The following CEP192 variants were observed in gnomAD, a reference collection of about 807,000 sequenced individuals.
The protein encoded by CEP192 is centrosomal protein 192, also known as centrosomal protein of 192 kDa.
Under a neutral mutation model 271.8 loss-of-function variants are expected in CEP192, and 151 were observed. The observed-to-expected ratio is 0.56, with a 90% CI of 0.49 to 0.64. The LOEUF (loss-of-function observed/expected upper bound fraction) is 0.64. Ranked by LOEUF, CEP192 falls within the 30% of genes least tolerant of loss-of-function variation. CEP192 has a pLI of 0.00. For synonymous variants in CEP192, 995 were observed against 1,076.5 expected (o/e 0.92, Z 1.48); for missense variants, 2,910 against 3,020.5 (o/e 0.96, Z 0.86).
At chr18:13,080,606 T>A (rs886961579) in intron 30 of CEP192, among the ~76,000 whole-genome samples, 5 of 151,458 alleles carry the variant, frequency 3.3e-5, no homozygotes, top group African/African-American at 1.2e-4. Flanking sequence ...GACTTCCTCT[T>A]TTCCTAATTG....
At position 13,012,953 on chromosome 18, in the gene CEP192, G is replaced by GT. The variant is rs1186528135; in HGVS notation, c.467-15dup. The GT allele has an allele frequency of 7.0e-7, 1 of 1,425,182 alleles. No individual in the cohort carries two copies. The highest frequency in any genetic ancestry group is 9.6e-7 in the Non-Finnish European group (1 of 1,042,440). 88.3% of individuals were successfully genotyped at this position (1,425,182 alleles called of 1,614,324 possible). On this transcript the variant is annotated intron_variant, in intron 4 of 44. Transcript: ENST00000506447. ...ATAAAATAACCTGGTCTCTCAGTTT[G>GT]TTTTTGTTTTCTTACACAGACTCAC...
At chr18:13,001,434 T>C in intron 2 of CEP192, 23 bp from the exon 3 acceptor site, 3 of 1,500,744 alleles carry the variant, frequency 2.0e-6, no homozygotes, top group Non-Finnish European at 2.7e-6. Flanking sequence ...TCTTAACAAT[T>C]AAAACAAATT....
chr18:13,113,732 A>G (rs1312779195), intron 41 of CEP192, 27 bp downstream of exon 41: 1 of 1,570,112 alleles, frequency 6.4e-7, no homozygotes, highest in Non-Finnish European at 8.6e-7. Flanking sequence ...ATTTAAGTAA[A>G]TTATTGTATG....
intron 36 of CEP192, among the ~76,000 whole-genome samples, chr18:13,098,439 C>T (rs1435003650): frequency 6.8e-6 from 1 of 146,396 alleles, no homozygotes; most frequent in Non-Finnish European, 1.5e-5. Flanking sequence ...GGCTGCCGGG[C>T]GGAGGGTCTC....
chr18:13,099,073 G>T (rs1018251263), intron 36 of CEP192, among the ~76,000 whole-genome samples: 25 of 151,950 alleles, frequency 1.6e-4, no homozygotes, highest in South Asian at 6.3e-4. Flanking sequence ...GCAGGCACTC[G>T]GCAGGCTGAG....
intron 1 of CEP192, among the ~76,000 whole-genome samples, chr18:12,991,903 G>T (rs1301574570): frequency 1.9e-5 from 2 of 107,880 alleles, no homozygotes; most frequent in African/African-American, 9.4e-5. Context: ...GACCCAGGAA[G>T]TAACCTTGTT....
intron 1 of CEP192, among the ~76,000 whole-genome samples, chr18:12,995,360 G>A (rs1474357749): frequency 6.6e-6 from 1 of 152,108 alleles, no homozygotes; most frequent in African/African-American, 2.4e-5. Context: ...CACCACGCCC[G>A]GCCTCATGGG....
In CEP192 at chr18:13,099,565, G is replaced by C; in HGVS notation, c.6647G>C (p.Cys2216Ser). 1 of 1,556,070 alleles carries C rather than the reference G, an allele frequency of 6.4e-7. No homozygotes were observed. The highest frequency in any genetic ancestry group is 8.7e-7 in the Non-Finnish European group (1 of 1,150,588). ...FPWSGLIYIH[C>S]DDGQKKIVKV... ...TGGAGTGGTTTGATCTATATACACT[G>C]TGACGATGGACAGAAGGTACTTTTA... The change falls in exon 37 of 45, where the codon TGT becomes TCT. Residue 2216 changes from cysteine to serine, a missense_variant. Physicochemically the swap from Cys to Ser is moderately radical, Grantham distance 112. Transcript: ENST00000506447.
intron 25 of CEP192, 41 bp downstream of exon 25, chr18:13,069,032 A>T: frequency 6.2e-7 from 1 of 1,614,084 alleles, no homozygotes; most frequent in South Asian, 1.1e-5. Context: ...GCTTTCATTC[A>T]TGCTGATTTC....
At chr18:13,096,440 G>T in intron 36 of CEP192, 133 bp downstream of exon 36, 1 of 1,106,056 alleles carries the variant, frequency 9.0e-7, no homozygotes, top group Admixed American at 2.7e-5. Flanking sequence ...CAAAGCATGT[G>T]CATGGTTCTG....
In CEP192 at chr18:13,124,632, A is replaced by G; in HGVS notation, c.7476A>G (p.Arg2492=). The change falls in exon 45 of 45, where the codon AGA becomes AGG. Residue 2492 remains arginine, a splice_region_variant and synonymous_variant. Coordinates refer to ENST00000506447, the MANE Select transcript of CEP192 (RefSeq NM_032142.4). The stretch of plus-strand genomic sequence containing the variant: ...CTGTCATGTGCCTCTCTCTTTCCAG[A>G]GCCCAGCATTACATCAACATGCCCG... ...FYVKHSKYSL[R]AQHYINMPVQ... The G allele has an allele frequency of 1.2e-6, 2 of 1,610,024 alleles. No homozygotes were observed. Among genetic ancestry groups the G allele is most frequent in the Non-Finnish European group, 1.7e-6 (2 of 1,176,838 alleles).
chr18:13,113,726 A>G, intron 41 of CEP192, 21 bp downstream of exon 41: 1 of 1,576,876 alleles, frequency 6.3e-7, no homozygotes, highest in Non-Finnish European at 8.6e-7. Context: ...CACTGAATTT[A>G]AGTAAATTAT....
intron 3 of CEP192, among the ~76,000 whole-genome samples, chr18:13,004,071 G>A (rs747143345): frequency 6.6e-6 from 1 of 152,180 alleles, no homozygotes. Flanking sequence ...AATAAAATGA[G>A]GGCAAAGAAT....
rs1056004930 is a variant in CEP192 at position 13,009,957 on chromosome 18, A to G, written c.466+1326A>G. On this transcript the variant is annotated intron_variant, in intron 4 of 44. Transcript: ENST00000506447. ...GTGAATGGCTTGAGCCCAGGAGTTC[A>G]ATATCAGCCTGGGCAACAAGGTGAA... Among the ~76,000 whole-genome samples, 10 of 152,174 alleles carry G rather than the reference A, an allele frequency of 6.6e-5. 1 individual carries two copies. Among genetic ancestry groups the G allele is most frequent in the African/African-American group, 2.4e-4 (10 of 41,446 alleles).
intron 14 of CEP192, among the ~76,000 whole-genome samples, chr18:13,041,525 C>G (rs538973993): frequency 1.3e-5 from 2 of 151,776 alleles, no homozygotes; most frequent in South Asian, 4.2e-4. Flanking sequence ...TTCCATTTCT[C>G]TAAAGATGCA....
At chr18:13,092,138 A>G (rs1041790522) in intron 33 of CEP192, among the ~76,000 whole-genome samples, 2 of 152,220 alleles carry the variant, frequency 1.3e-5, no homozygotes, top group Non-Finnish European at 2.9e-5. Flanking sequence ...ACTTGCCAAA[A>G]GTCACAAAGT....
rs113259532 is a variant in CEP192 at position 13,049,075 on chromosome 18, G to A, written c.2284G>A (p.Val762Met). ...EDEKQKDYSH[V>M]RHFLPNDLEK... ...TGAGAAACAAAAGGACTATTCTCAT[G>A]TGCGTCATTTCTTACCTAATGATTT... The change falls in exon 16 of 45, where the codon GTG becomes ATG. Residue 762 changes from valine to methionine, a missense_variant. Transcript: ENST00000506447. 2.5e-6 allele frequency: 4 copies of A among 1,613,960 alleles called. No individual in the cohort carries two copies. The highest frequency in any genetic ancestry group is 1.1e-5 in the South Asian group (1 of 91,078).
In CEP192 at chr18:13,018,555, T is replaced by C; in HGVS notation, c.865T>C (p.Ser289Pro). The C allele has an allele frequency of 6.5e-7, 1 of 1,542,726 alleles. No individual in the cohort carries two copies. Among genetic ancestry groups the C allele is most frequent in the Admixed American group, 2.0e-5 (1 of 50,682 alleles). The change falls in exon 8 of 45, where the codon TCT (serine) becomes CCT (proline). Residue 289 changes from serine (S) to proline (P), a missense_variant. By Grantham distance (74) the Ser-to-Pro change is moderately conservative (BLOSUM62 -1). Coordinates refer to ENST00000506447, the MANE Select transcript of CEP192 (RefSeq NM_032142.4). ...NSSLISLDSH[S>P]SETTHKESEE... ...CTCTCTGATTTCCCTCGACTCACAC[T>C]CTTCTGAAACAACTCACAAAGAGTC...
chr18:13,032,770 G>A (rs1201993471), intron 11 of CEP192, among the ~76,000 whole-genome samples: 2 of 152,190 alleles, frequency 1.3e-5, no homozygotes, highest in Non-Finnish European at 2.9e-5. Flanking sequence ...CCAAGTCACT[G>A]CAGAATCACC....
Sources: gnomAD v4.1 joint callset for allele counts (sites outside exome capture counted in the v4.1 genomes callset) on GRCh38, gnomAD v4.1.1 for gene constraint, MANE v1.5 for transcripts, NCBI Gene and HGNC (gene_info 2026-07-23, HGNC 2026-07-21) for gene names.